Variants in ASIC4 observed in about 807,000 individuals in gnomAD.
The protein encoded by ASIC4 is acid-sensing ion channel 4.
A neutral mutation model predicts 53.4 loss-of-function variants in ASIC4; 28 were observed. That is an observed-to-expected ratio of 0.52 (90% CI 0.39 to 0.72). The LOEUF (loss-of-function observed/expected upper bound fraction) is 0.72. ASIC4 is among the 30% of genes least tolerant of loss of function. The pLI, the probability that ASIC4 is intolerant of heterozygous loss-of-function variation, is 0.00. For missense variants in ASIC4, 649 were observed against 729.7 expected, an observed-to-expected ratio of 0.89 and a Z score of 1.27; for synonymous variants, 289 against 301.4, an observed-to-expected ratio of 0.96 and a Z score of 0.43.
In ASIC4 at chr2:219,515,256, A is replaced by C; in HGVS notation, c.532A>C (p.Lys178Gln). 2 of 1,614,046 alleles carry C rather than the reference A, an allele frequency of 1.2e-6. No individual in the cohort carries two copies. The highest frequency in any genetic ancestry group is 1.7e-6 in the Non-Finnish European group (2 of 1,179,930). ...TGGCCACCAGCTCGCCGACATGCTT[A>C]AGAGCTGCAACTTCAGTGGGCATCA... ...RTGHQLADML[K>Q]SCNFSGHHCS... Residue 178 changes from lysine to glutamine, a missense_variant, in exon 1 of 10, where the codon AAG (lysine) becomes CAG (glutamine). By Grantham distance (53) the Lys-to-Gln change is moderately conservative. Coordinates refer to ENST00000358078, the MANE Select transcript of ASIC4 (RefSeq NM_018674.6).
intron 1 of ASIC4, among the ~76,000 whole-genome samples, chr2:219,526,896 C>A (rs1414758336): frequency 5.9e-5 from 9 of 152,146 alleles, no homozygotes; most frequent in African/African-American, 2.2e-4. Context: ...GAGGGCCAGA[C>A]CAAAGGAGGA....
chr2:219,509,672 G>T (rs1224009260), upstream of ASIC4, among the ~76,000 whole-genome samples: 3 of 152,098 alleles, frequency 2.0e-5, no homozygotes, highest in African/African-American at 7.2e-5. The surrounding 1 kb of genome is among the most constrained non-coding windows in gnomAD (Gnocchi z 5.2). Flanking sequence ...GAGGGCAGGG[G>T]GTGGTGAGGG....
intron 1 of ASIC4, among the ~76,000 whole-genome samples, chr2:219,531,170 A>G (rs1695034547): frequency 6.6e-6 from 1 of 151,546 alleles, no homozygotes; most frequent in Admixed American, 6.6e-5. Flanking sequence ...GCAACATAGA[A>G]AGACCCTGTC....
At chr2:219,524,931 C>T (rs965059538) in intron 1 of ASIC4, among the ~76,000 whole-genome samples, 3 of 152,236 alleles carry the variant, frequency 2.0e-5, no homozygotes, top group Non-Finnish European at 1.5e-5. Context: ...TCACCCCTCC[C>T]TTGAGCACCT....
At chr2:219,535,437 TTGTGTGTA>T (rs1441242495) in intron 6 of ASIC4, 113 bp downstream of exon 6, 13 of 1,189,634 alleles carry the variant, frequency 1.1e-5, no homozygotes, top group Admixed American at 5.1e-5. Context: ...GTGTATGTGT[TTGTGTGTA>T]TGTGGGTGTG....
intron 1 of ASIC4, among the ~76,000 whole-genome samples, chr2:219,523,429 A>G (rs1443536657): frequency 6.6e-6 from 1 of 151,976 alleles, no homozygotes; most frequent in Admixed American, 6.6e-5. Flanking sequence ...ACCACAGCTC[A>G]CACATTTACA....
rs758061342 is a variant in ASIC4, at chr2:219,537,440, AG to A, written c.1401+122del. On this transcript the variant is annotated intron_variant, in intron 8 of 9. Transcript: ENST00000358078. The surrounding 1 kb of genome is among the most constrained non-coding windows in gnomAD (Gnocchi z 4.9). The stretch of plus-strand genomic sequence containing the variant: ...AAAGTCAGGTTCAGGGTTCTCTGCC[AG>A]GGTCCCCTGACTGGCTGGCAGGCCT... 12 of 1,273,644 alleles carry A rather than the reference AG, an allele frequency of 9.4e-6. No individual in the cohort carries two copies. The highest frequency in any genetic ancestry group is 1.5e-5 in the African/African-American group (1 of 67,772). 78.9% of individuals were successfully genotyped at this position (1,273,644 alleles called of 1,614,324 possible).
At chr2:219,511,397 C>G (rs1038522517), upstream of ASIC4, among the ~76,000 whole-genome samples, 8 of 150,796 alleles carry the variant, frequency 5.3e-5, no homozygotes, top group South Asian at 1.5e-3. The surrounding 1 kb of genome is among the most constrained non-coding windows in gnomAD (Gnocchi z 5.3). Context: ...GCACTGCCCC[C>G]CCCCCACATT....
rs750077666 is a variant in ASIC4, at chr2:219,532,510, C to A, written c.1018+33C>A. 5.0e-6 allele frequency: 8 copies of A among 1,596,652 alleles called. No individual in the cohort carries two copies. In the Admixed American group the frequency reaches 8.4e-5, roughly 17 times the overall value. On this transcript the variant is annotated intron_variant, in intron 4 of 9. Transcript: ENST00000358078. ...CCCCACCCCCAGCCAGCCCTCCATG[C>A]CACCCTGCTAGGCTCCAGAGCCTCC...
At chr2:219,514,428 G>A (rs1267013796), upstream of ASIC4, 13 of 1,549,206 alleles carry the variant, frequency 8.4e-6, no homozygotes, top group South Asian at 4.8e-5. Flanking sequence ...AGGGACACAC[G>A]CAGGGGCTGA....
chr2:219,527,576 C>T (rs1694980203), intron 1 of ASIC4, among the ~76,000 whole-genome samples: 1 of 152,164 alleles, frequency 6.6e-6, no homozygotes, highest in Non-Finnish European at 1.5e-5. Context: ...TGAACACCCA[C>T]CAGGTGTTCT....
chr2:219,537,869 T>C lies in ASIC4; in HGVS notation c.1507-64T>C. On this transcript the variant is annotated intron_variant, in intron 9 of 9. Coordinates refer to ENST00000358078, the MANE Select transcript of ASIC4 (RefSeq NM_018674.6). The surrounding 1 kb of genome is among the most constrained non-coding windows in gnomAD (Gnocchi z 4.9). ...CGAGGTGACAAGGAAAGGCTGGCGG[T>C]GTGAGCCCTGGGGGCACCACTTGAG... 6.7e-7 allele frequency: 1 copy of C among 1,493,220 alleles called. No individual in the cohort carries two copies. Among genetic ancestry groups the C allele is most frequent in the Non-Finnish European group, 9.2e-7 (1 of 1,092,098 alleles). 92.5% of individuals were successfully genotyped at this position (1,493,220 alleles called of 1,614,324 possible).
upstream of ASIC4, among the ~76,000 whole-genome samples, chr2:219,510,386 G>A (rs763286214): frequency 2.6e-5 from 4 of 151,936 alleles, no homozygotes; most frequent in Non-Finnish European, 5.9e-5. The surrounding 1 kb of genome is among the most constrained non-coding windows in gnomAD (Gnocchi z 5.2). Flanking sequence ...TCAGGCCCCC[G>A]CTGTGGCTAC....
At chr2:219,535,429 G>A in intron 6 of ASIC4, 105 bp downstream of exon 6, 6 of 1,305,454 alleles carry the variant, frequency 4.6e-6, no homozygotes, top group Non-Finnish European at 6.2e-6. Flanking sequence ...GTGTATGTGT[G>A]TATGTGTTTG....
At chr2:219,533,471 C>T in intron 5 of ASIC4, 1 of 168,070 alleles carries the variant, frequency 5.9e-6, no homozygotes, top group Non-Finnish European at 1.3e-5. Flanking sequence ...CTGTGGACAG[C>T]CATTCCCACA....
intron 6 of ASIC4, 70 bp downstream of exon 6, chr2:219,535,394 TGA>T (rs1246195501): frequency 1.4e-6 from 2 of 1,457,758 alleles, no homozygotes; most frequent in African/African-American, 2.9e-5. Context: ...GGTGGCTGTG[TGA>T]CTCTGTGTGT....
chr2:219,515,086 A>T lies in ASIC4; in HGVS notation c.362A>T (p.Asn121Ile). 6.2e-7 allele frequency: 1 copy of T among 1,613,798 alleles called. No homozygotes were observed. The highest frequency in any genetic ancestry group is 8.5e-7 in the Non-Finnish European group (1 of 1,179,976). Residue 121 changes from asparagine to isoleucine, a missense_variant, in exon 1 of 10, where the codon AAC becomes ATC. Physicochemically the swap from Asn to Ile is moderately radical, Grantham distance 149 (BLOSUM62 -3). Transcript: ENST00000358078. ...GFPAVTLCNI[N>I]RFRHSALSDA... is the part of the protein sequence containing the mutation. ...CCGGCTGTCACCCTCTGCAATATCAACCGCTTCCGGCATTCGGCACTCAGC... is the reference window on the plus strand; with the variant it reads ...CCGGCTGTCACCCTCTGCAATATCATCCGCTTCCGGCATTCGGCACTCAGC...
At position 219,537,413 on chromosome 2, in the gene ASIC4, G is replaced by A. The variant is rs1015649634; in HGVS notation, c.1401+92G>A. ...GGTGCCTGGTGGAGCTGGCCTGGCT[G>A]GAAAGTCAGGTTCAGGGTTCTCTGC... On this transcript the variant is annotated intron_variant, in intron 8 of 9. Transcript: ENST00000358078. The surrounding 1 kb of genome is among the most constrained non-coding windows in gnomAD (Gnocchi z 4.9). 1 of 1,421,060 alleles carries A rather than the reference G, an allele frequency of 7.0e-7. No homozygotes were observed. Among genetic ancestry groups the A allele is most frequent in the African/African-American group, 1.4e-5 (1 of 70,916 alleles). The allele number at this position is 1,421,060 out of a possible 1,614,324, so 88.0% of individuals were successfully genotyped here.
In ASIC4 at chr2:219,515,282, C is replaced by T; in HGVS notation, c.558C>T (p.His186=). ...AGAGCTGCAACTTCAGTGGGCATCA[C>T]TGCTCCGCCAGCAACTTCTCTGTGG... The part of the protein sequence containing the change: ...MLKSCNFSGH[H]CSASNFSVVY... The change falls in exon 1 of 10, where the codon CAC becomes CAT. Residue 186 remains histidine (H), a synonymous_variant. Coordinates refer to ENST00000358078, the MANE Select transcript of ASIC4 (RefSeq NM_018674.6). 5 of 1,611,630 alleles carry T rather than the reference C, an allele frequency of 3.1e-6. No individual in the cohort carries two copies. Among genetic ancestry groups the T allele is most frequent in the Non-Finnish European group, 4.2e-6 (5 of 1,178,114 alleles).
Sources: gnomAD v4.1 joint callset for allele counts (sites outside exome capture counted in the v4.1 genomes callset) on GRCh38, gnomAD v4.1.1 for gene constraint, Gnocchi (gnomAD v3.1) non-coding constraint, MANE v1.5 for transcripts, NCBI Gene and HGNC (gene_info 2026-07-23, HGNC 2026-07-21) for gene names.